The following WIPF1 variants were observed in gnomAD, a reference collection of about 807,000 sequenced individuals.
WIPF1 encodes WAS/WASL-interacting protein family member 1.
In WIPF1, 13 loss-of-function variants were observed where a neutral mutation model predicts 35.4. The observed-to-expected ratio is 0.37, with a 90% CI of 0.24 to 0.58. WIPF1 has a LOEUF of 0.58. WIPF1 is among the 20% of genes least tolerant of loss of function. WIPF1 has a pLI of 0.74. For missense variants in WIPF1, 591 were observed against 667.0 expected (o/e 0.89, Z 1.25); for synonymous variants, 267 against 266.3 (o/e 1.00, Z -0.02).
At chr2:174,649,387 T>C (rs544703437) in intron 1 of WIPF1, among the ~76,000 whole-genome samples, 2 of 152,300 alleles carry the variant, frequency 1.3e-5, no homozygotes, top group South Asian at 4.1e-4. Flanking sequence ...GAAAATGCTT[T>C]TGATATGCAA....
At chr2:174,585,856 C>G (rs1019484933) in intron 1 of WIPF1, among the ~76,000 whole-genome samples, 2 of 152,194 alleles carry the variant, frequency 1.3e-5, no homozygotes, top group Non-Finnish European at 2.9e-5. Context: ...TCCATTCCCC[C>G]ACCCACTACA....
intron 1 of WIPF1, among the ~76,000 whole-genome samples, chr2:174,614,936 T>C (rs1686462021): frequency 6.6e-6 from 1 of 152,184 alleles, no homozygotes; most frequent in African/African-American, 2.4e-5. Context: ...TCTCAGAAGT[T>C]CTAAGATGCA....
chr2:174,618,287 A>G (rs560144093), intron 1 of WIPF1, among the ~76,000 whole-genome samples: 150 of 152,336 alleles, frequency 9.8e-4, no homozygotes, highest in African/African-American at 3.5e-3. Flanking sequence ...CGGCACAGAC[A>G]AGGAAAAGGT....
At chr2:174,606,303 A>C (rs943922489) in intron 1 of WIPF1, among the ~76,000 whole-genome samples, 1 of 152,262 alleles carries the variant, frequency 6.6e-6, no homozygotes, top group Non-Finnish European at 1.5e-5. Context: ...CAAAAATAGT[A>C]TCAAAAAAAC....
chr2:174,576,508 T>G (rs555618321), intron 3 of WIPF1, among the ~76,000 whole-genome samples: 1 of 152,228 alleles, frequency 6.6e-6, no homozygotes, highest in East Asian at 1.9e-4. Flanking sequence ...TTGCTATTAA[T>G]TTTTTAATAT....
At chr2:174,623,005 C>A (rs1485927357) in intron 1 of WIPF1, among the ~76,000 whole-genome samples, 1 of 152,038 alleles carries the variant, frequency 6.6e-6, no homozygotes, top group African/African-American at 2.4e-5. Context: ...TGGTAAATTT[C>A]AATGATGGGG....
chr2:174,613,582 G>A (rs905466967), intron 1 of WIPF1, among the ~76,000 whole-genome samples: 1 of 152,158 alleles, frequency 6.6e-6, no homozygotes, highest in African/African-American at 2.4e-5. Flanking sequence ...AATTAGACAG[G>A]CAGATGCTTT....
At chr2:174,651,510 C>T (rs917405743) in intron 1 of WIPF1, among the ~76,000 whole-genome samples, 12 of 152,216 alleles carry the variant, frequency 7.9e-5, no homozygotes, top group African/African-American at 2.7e-4. Flanking sequence ...TGTTGCCTCT[C>T]ACTCTGGGTC....
At chr2:174,651,135 T>G (rs1057429673) in intron 1 of WIPF1, among the ~76,000 whole-genome samples, 2 of 152,222 alleles carry the variant, frequency 1.3e-5, no homozygotes, top group Non-Finnish European at 2.9e-5. Flanking sequence ...GCTCAACTGA[T>G]TCCAAGTGGA....
chr2:174,619,414 G>A (rs566377241), intron 1 of WIPF1, among the ~76,000 whole-genome samples: 2 of 152,224 alleles, frequency 1.3e-5, no homozygotes, highest in African/African-American at 4.8e-5. Flanking sequence ...GCCAGCCTGT[G>A]TGTCACAGTG....
intron 3 of WIPF1, among the ~76,000 whole-genome samples, chr2:174,576,743 A>G (rs1027580625): frequency 6.6e-6 from 1 of 152,224 alleles, no homozygotes; most frequent in African/African-American, 2.4e-5. Flanking sequence ...AAAGGCATAG[A>G]AAACTGATAC....
At chr2:174,605,416 C>T (rs774612670) in intron 1 of WIPF1, among the ~76,000 whole-genome samples, 7 of 152,006 alleles carry the variant, frequency 4.6e-5, no homozygotes, top group Non-Finnish European at 8.8e-5. Context: ...CCAGCCTGGG[C>T]GACAGAGCAA....
At chr2:174,663,649 G>A (rs549679573) in intron 1 of WIPF1, among the ~76,000 whole-genome samples, 1 of 152,368 alleles carries the variant, frequency 6.6e-6, no homozygotes, top group South Asian at 2.1e-4. Flanking sequence ...CAAATTGCAC[G>A]AGGGATTCCA....
chr2:174,680,572 T>C (rs772873173), intron 1 of WIPF1, among the ~76,000 whole-genome samples: 6 of 152,232 alleles, frequency 3.9e-5, no homozygotes, highest in Non-Finnish European at 7.3e-5. Flanking sequence ...TCTCTCAGTA[T>C]GTGTTGTGGA....
rs189195239 is a variant in WIPF1, at chr2:174,660,227, C to T, written c.-39+22547G>A. On this transcript the variant is annotated intron_variant, in intron 1 of 8. Coordinates refer to the WIPF1 transcript ENST00000272746. ...AACCACAGTGGGTGGAATTCTTCTT[C>T]GCTATAAAGAAGTGTATTCTAAACA... Among the ~76,000 whole-genome samples the T allele has an allele frequency of 1.6e-4, 25 of 152,274 alleles. No individual in the cohort carries two copies. In the East Asian group the frequency reaches 4.4e-3, roughly 27 times the overall value.
At chr2:174,657,408 T>A (rs1687664218) in intron 1 of WIPF1, among the ~76,000 whole-genome samples, 1 of 152,130 alleles carries the variant, frequency 6.6e-6, no homozygotes, top group Non-Finnish European at 1.5e-5. Flanking sequence ...AGTAAAGAAG[T>A]GAATTCAGGA....
At chr2:174,580,028 G>GT (rs891735288) in intron 3 of WIPF1, among the ~76,000 whole-genome samples, 1 of 151,736 alleles carries the variant, frequency 6.6e-6, no homozygotes, top group African/African-American at 2.4e-5. Context: ...TCAGCTCACC[G>GT]TAACTTCCAC....
intron 1 of WIPF1, among the ~76,000 whole-genome samples, chr2:174,588,677 G>A (rs895573147): frequency 6.6e-6 from 1 of 152,198 alleles, no homozygotes; most frequent in Non-Finnish European, 1.5e-5. Flanking sequence ...GTCATGGCTG[G>A]GGCCAGAGCC....
chr2:174,568,149 T>C, intron 5 of WIPF1, 76 bp from the exon 6 acceptor site: 4 of 1,463,028 alleles, frequency 2.7e-6, no homozygotes, highest in Non-Finnish European at 3.7e-6. Context: ...GGTGTACAGC[T>C]GATGAGGACT....
Sources: allele counts gnomAD v4.1 joint callset (sites outside exome capture counted in the v4.1 genomes callset), GRCh38; gene constraint gnomAD v4.1.1; transcripts MANE v1.5; gene names NCBI Gene and HGNC (gene_info 2026-07-23, HGNC 2026-07-21).